TBCEL: variants seen among roughly 807,000 people sequenced by gnomAD.
TBCEL encodes the protein tubulin folding cofactor E like.
In TBCEL, 15 loss-of-function variants were observed where a neutral mutation model predicts 44.2. The observed-to-expected ratio is 0.34, with a 90% CI of 0.23 to 0.52. The LOEUF (loss-of-function observed/expected upper bound fraction) is 0.52, where lower values mean the gene tolerates loss of function less well. Ranked by LOEUF, TBCEL falls within the 20% of genes least tolerant of loss-of-function variation. The pLI is 0.95. For missense variants in TBCEL, 319 were observed against 506.3 expected, an observed-to-expected ratio of 0.63 and a Z score of 3.55; for synonymous variants, 171 against 185.4, an observed-to-expected ratio of 0.92 and a Z score of 0.63.
intron 1 of TBCEL, among the ~76,000 whole-genome samples, chr11:121,030,369 G>C (rs551022558): frequency 6.6e-6 from 1 of 152,284 alleles, no homozygotes; most frequent in East Asian, 1.9e-4. Context: ...GGAGCCATTG[G>C]AGAGTGTAAA....
intron 8 of TBCEL, among the ~76,000 whole-genome samples, chr11:121,077,124 T>C (rs2135005715): frequency 6.6e-6 from 1 of 152,142 alleles, no homozygotes; most frequent in African/African-American, 2.4e-5. Flanking sequence ...ATAATGTCTT[T>C]GTCTTATTTT....
chr11:121,085,983 T>C (rs1478587045), intron 8 of TBCEL, among the ~76,000 whole-genome samples: 1 of 152,174 alleles, frequency 6.6e-6, no homozygotes, highest in Non-Finnish European at 1.5e-5. Context: ...CTAATATTAA[T>C]TTTTTTCAGC....
chr11:121,038,033 C>T lies in TBCEL; in HGVS notation c.-18+1421C>T, dbSNP rs1293876440. ...GGAGTGCAGTGGCACGATCTCGACTCACTGCACCCTCTGCCTCCCGGGTTC... is the reference window on the plus strand; with the variant it reads ...GGAGTGCAGTGGCACGATCTCGACTTACTGCACCCTCTGCCTCCCGGGTTC... On this transcript the variant is annotated intron_variant, in intron 2 of 8. Coordinates refer to ENST00000683345, the MANE Select transcript of TBCEL (RefSeq NM_001363644.2). Among the ~76,000 whole-genome samples, 3 of 151,834 alleles carry T rather than the reference C, an allele frequency of 2.0e-5. No homozygotes were observed. The East Asian group carries it at 5.8e-4, about 29-fold the overall frequency.
At chr11:121,056,066 A>G (rs557982322) in intron 6 of TBCEL, among the ~76,000 whole-genome samples, 1 of 151,852 alleles carries the variant, frequency 6.6e-6, no homozygotes, top group East Asian at 1.9e-4. Context: ...ACAAATGTGT[A>G]GTGACATGTA....
intron 4 of TBCEL, among the ~76,000 whole-genome samples, chr11:121,048,778 T>G (rs1468750604): frequency 6.6e-6 from 1 of 151,924 alleles, no homozygotes; most frequent in Non-Finnish European, 1.5e-5. Context: ...TTCTCCCTCT[T>G]TAGCCATATA....
chr11:121,072,368 TAAAA>T (rs751126832), intron 8 of TBCEL, among the ~76,000 whole-genome samples: 14 of 152,202 alleles, frequency 9.2e-5, no homozygotes, highest in Non-Finnish European at 1.9e-4. Flanking sequence ...AAAACAATAC[TAAAA>T]AATATTGAGA....
At chr11:121,058,253 G>A in intron 6 of TBCEL, 92 bp from the exon 7 acceptor site, 1 of 1,399,172 alleles carries the variant, frequency 7.1e-7, no homozygotes, top group Admixed American at 2.0e-5. Context: ...TAACATTTCA[G>A]AAGTTACTAA....
At chr11:121,062,895 C>G (rs1945750336) in intron 8 of TBCEL, among the ~76,000 whole-genome samples, 3 of 152,136 alleles carry the variant, frequency 2.0e-5, no homozygotes, top group African/African-American at 7.2e-5. Context: ...TGGACACTTG[C>G]AGCTGCATCA....
At chr11:121,032,245 A>T (rs1370788632) in intron 1 of TBCEL, among the ~76,000 whole-genome samples, 3 of 152,034 alleles carry the variant, frequency 2.0e-5, no homozygotes, top group Non-Finnish European at 2.9e-5. Flanking sequence ...CCATATTTAC[A>T]TGGGCATGTT....
rs564906860 is a variant in TBCEL, at chr11:121,078,630, A to G, written c.957-8148A>G. Among the ~76,000 whole-genome samples the G allele has an allele frequency of 1.4e-4, 22 of 152,238 alleles. No homozygotes were observed. In the South Asian group the frequency reaches 4.6e-3, roughly 32 times the overall value. ...TTTTTTTCATCCTCATTTCATGCAC[A>G]GCCTCTCATCACTCAATTCTACCCC... On this transcript the variant is annotated intron_variant, in intron 8 of 8. Coordinates refer to ENST00000683345, the MANE Select transcript of TBCEL (RefSeq NM_001363644.2).
chr11:121,058,463 A>G lies in TBCEL; in HGVS notation c.831A>G (p.Val277=), dbSNP rs375999211. ...CCACCGAGGAGCGAAGGAAATTGGT[A>G]ATAGCCAGGTCTGTTGTCCTGATCG... ...PYTTEERRKL[V]IARLPSVSKL... is the part of the protein sequence containing the mutation. The change falls in exon 7 of 9, where the codon GTA becomes GTG. Residue 277 remains valine (V), a synonymous_variant. Coordinates refer to ENST00000683345, the MANE Select transcript of TBCEL (RefSeq NM_001363644.2). The G allele has an allele frequency of 2.4e-5, 39 of 1,611,452 alleles. No individual in the cohort carries two copies. The highest frequency in any genetic ancestry group is 3.3e-5 in the Non-Finnish European group (39 of 1,178,030).
At position 121,076,089 on chromosome 11, in the gene TBCEL, C is replaced by T. The variant is rs1189080451; in HGVS notation, c.957-10689C>T. On this transcript the variant is annotated intron_variant, in intron 8 of 8. Coordinates refer to ENST00000683345, the MANE Select transcript of TBCEL (RefSeq NM_001363644.2). ...ACCACACCATCTTGATTACTATAGCCTTATGGTAACTGTTCAATTAAGGTA... is the reference window on the plus strand; with the variant it reads ...ACCACACCATCTTGATTACTATAGCTTTATGGTAACTGTTCAATTAAGGTA... Among the ~76,000 whole-genome samples, 4 of 151,858 alleles carry T rather than the reference C, an allele frequency of 2.6e-5. No individual in the cohort carries two copies. In the East Asian group the frequency reaches 7.7e-4, roughly 29 times the overall value.
chr11:121,028,667 CATG>C (rs1282661077), intron 1 of TBCEL, among the ~76,000 whole-genome samples: 1 of 152,164 alleles, frequency 6.6e-6, no homozygotes, highest in Middle Eastern at 3.2e-3. Flanking sequence ...TATCTGCTGT[CATG>C]ATGATGCCTA....
intron 2 of TBCEL, among the ~76,000 whole-genome samples, chr11:121,039,160 G>A (rs971541642): frequency 2.6e-4 from 39 of 152,142 alleles, no homozygotes; most frequent in African/African-American, 8.2e-4. Context: ...TTTCCCCCTC[G>A]TCAGCACACA....
At chr11:121,050,513 C>A (rs1945510545) in intron 4 of TBCEL, among the ~76,000 whole-genome samples, 1 of 151,592 alleles carries the variant, frequency 6.6e-6, no homozygotes, top group African/African-American at 2.4e-5. Context: ...AAATTGGGCA[C>A]CTATGTTTAA....
chr11:121,047,426 C>T (rs1945449365), intron 3 of TBCEL, 102 bp from the exon 4 acceptor site: 1 of 1,373,154 alleles, frequency 7.3e-7, no homozygotes, highest in South Asian at 1.3e-5. Context: ...TATGTAATTT[C>T]ACACAGTTTG....
chr11:121,051,197 A>T (rs1945521932), intron 4 of TBCEL, among the ~76,000 whole-genome samples: 1 of 151,718 alleles, frequency 6.6e-6, no homozygotes, highest in Admixed American at 6.6e-5. Flanking sequence ...ATTATTCTGA[A>T]TATTAATTTT....
At chr11:121,058,256 G>A (rs1945657958) in intron 6 of TBCEL, 89 bp from the exon 7 acceptor site, 1 of 1,415,690 alleles carries the variant, frequency 7.1e-7, no homozygotes, top group Non-Finnish European at 9.7e-7. Context: ...CATTTCAGAA[G>A]TTACTAATTG....
At chr11:121,037,485 C>T (rs1260931553) in intron 2 of TBCEL, among the ~76,000 whole-genome samples, 1 of 152,154 alleles carries the variant, frequency 6.6e-6, no homozygotes, top group African/African-American at 2.4e-5. Context: ...ACCATCCAGC[C>T]TAATTACGCT....
Sources: gnomAD v4.1 joint callset for allele counts (sites outside exome capture counted in the v4.1 genomes callset) on GRCh38, gnomAD v4.1.1 for gene constraint, MANE v1.5 for transcripts, NCBI Gene and HGNC (gene_info 2026-07-23, HGNC 2026-07-21) for gene names.